Variants in ANK2 observed in about 807,000 individuals in gnomAD.
The protein encoded by ANK2 is ankyrin-2.
Under a neutral mutation model 360.5 loss-of-function variants are expected in ANK2, and 83 were observed. The ratio of observed to expected loss-of-function variants is 0.23; its 90% CI spans 0.19 to 0.28. ANK2 has a LOEUF of 0.28. ANK2 is among the 10% of genes least tolerant of loss of function. The pLI is 1.00. For synonymous variants in ANK2, 1,740 were observed against 1,759.5 expected, an observed-to-expected ratio of 0.99 and a Z score of 0.28; for missense variants, 4,201 against 4,795.7, an observed-to-expected ratio of 0.88 and a Z score of 3.66.
At chr4:113,332,975 C>T (rs2092807467) in intron 28 of ANK2, 79 bp from the exon 29 acceptor site, 2 of 1,600,016 alleles carry the variant, frequency 1.2e-6, no homozygotes, top group African/African-American at 1.3e-5. Context: ...TTCCAGGTCA[C>T]TTTGCAACAG....
intron 27 of ANK2, 55 bp from the exon 28 acceptor site, chr4:113,331,917 A>G (rs2092542231): frequency 1.6e-5 from 24 of 1,508,574 alleles, no homozygotes; most frequent in Non-Finnish European, 2.8e-6. Flanking sequence ...TGTGGAAGAC[A>G]ATACCTGAAG....
intron 1 of ANK2, among the ~76,000 whole-genome samples, chr4:113,162,411 T>G (rs2097569259): frequency 6.6e-6 from 1 of 152,154 alleles, no homozygotes; most frequent in African/African-American, 2.4e-5. Flanking sequence ...TACTTTACTT[T>G]TAGAGTTTTA....
chr4:113,192,547 A>G (rs553344211), intron 2 of ANK2, among the ~76,000 whole-genome samples: 2 of 152,260 alleles, frequency 1.3e-5, no homozygotes, highest in East Asian at 3.9e-4. Context: ...GCATTTAATT[A>G]TTTTAAATAA....
At chr4:112,746,689 A>AAAATAGAAACAAACAGTTAACACAT in the ANK2 span, among the ~76,000 whole-genome samples, 1 of 152,152 alleles carries the variant, frequency 6.6e-6, no homozygotes, top group South Asian at 2.1e-4. Flanking sequence ...GCAGATTTGT[A>AAAATAGAAACAAACAGTTAACACAT]AAATAGAAAC....
intron 24 of ANK2, chr4:113,317,414 A>G (rs2083470270): frequency 4.7e-6 from 2 of 425,600 alleles, no homozygotes; most frequent in Non-Finnish European, 8.8e-6. Flanking sequence ...GTAATAAACT[A>G]CAGTTGCTGG....
At chr4:113,016,687 C>A (rs1195204308) in intron 2 of ANK2, among the ~76,000 whole-genome samples, 2 of 152,014 alleles carry the variant, frequency 1.3e-5, no homozygotes, top group African/African-American at 4.8e-5. Flanking sequence ...CTTCAAGACA[C>A]AAAGGAATGA....
intron 1 of ANK2, among the ~76,000 whole-genome samples, chr4:112,873,292 T>A (rs1313615264): frequency 6.6e-6 from 1 of 151,878 alleles, no homozygotes; most frequent in Non-Finnish European, 1.5e-5. Context: ...TTTTATAAGT[T>A]GAAATGTTAG....
chr4:113,013,123 A>G (rs1314540599), intron 2 of ANK2, among the ~76,000 whole-genome samples: 1 of 152,188 alleles, frequency 6.6e-6, no homozygotes, highest in African/African-American at 2.4e-5. Context: ...AAGTGATCCT[A>G]GCTAGCATAA....
At position 113,277,952 on chromosome 4, in the gene ANK2, C is replaced by T. The variant is rs2060830516; in HGVS notation, c.1782+17C>T. On this transcript the variant is annotated intron_variant, in intron 16 of 45. Transcript: ENST00000357077. ...GCAGGGAAGGTAAAGATTTTCTATA[C>T]GTTATAATTATGTAACAGTGAAGGT... 1 of 1,599,130 alleles carries T rather than the reference C, an allele frequency of 6.3e-7. No homozygotes were observed. The highest frequency in any genetic ancestry group is 1.7e-5 in the Admixed American group (1 of 59,916).
chr4:113,232,476 T>C (rs972323103), intron 5 of ANK2, among the ~76,000 whole-genome samples: 6 of 152,258 alleles, frequency 3.9e-5, no homozygotes, highest in African/African-American at 1.4e-4. Context: ...CTATTTATTC[T>C]TACATAAAAT....
At chr4:112,749,589 G>A in the ANK2 span, among the ~76,000 whole-genome samples, 3 of 152,284 alleles carry the variant, frequency 2.0e-5, no homozygotes, top group African/African-American at 7.2e-5. Flanking sequence ...CTACTGAATA[G>A]TTACTGGATT....
At chr4:112,763,915 A>C in the ANK2 span, among the ~76,000 whole-genome samples, 4 of 151,840 alleles carry the variant, frequency 2.6e-5, no homozygotes, top group Admixed American at 6.6e-5. Context: ...TCTCACACTT[A>C]AAGTTTAACA....
At chr4:113,275,011 G>A (rs1407992256) in intron 15 of ANK2, among the ~76,000 whole-genome samples, 1 of 152,090 alleles carries the variant, frequency 6.6e-6, no homozygotes, top group East Asian at 1.9e-4. Context: ...GAGGAAGAGG[G>A]TACTGCATTA....
rs2095842891 is a variant in ANK2, at chr4:113,357,184, T to C, written c.8566T>C (p.Ser2856Pro). 3 of 1,614,140 alleles carry C rather than the reference T, an allele frequency of 1.9e-6. No homozygotes were observed. Among genetic ancestry groups the C allele is most frequent in the Non-Finnish European group, 2.5e-6 (3 of 1,179,996 alleles). ...SSSSLPHCLV[S>P]EGKELDEDIS... is the part of the protein sequence containing the mutation. ...ATCCTCTTTGCCTCATTGTTTGGTATCTGAAGGAAAAGAATTAGATGAAGA... is the reference window on the plus strand; with the variant it reads ...ATCCTCTTTGCCTCATTGTTTGGTACCTGAAGGAAAAGAATTAGATGAAGA... Residue 2856 changes from serine (S) to proline (P), a missense_variant, in exon 38 of 46, where the codon TCT (serine) becomes CCT (proline). Around this residue, in one of 4 missense-constraint regions of ANK2, gnomAD observed 2,642 missense variants for 2,714.5 expected, o/e 0.97. Transcript: ENST00000357077.
chr4:113,202,003 T>C (rs1372062437), intron 4 of ANK2, among the ~76,000 whole-genome samples: 1 of 152,218 alleles, frequency 6.6e-6, no homozygotes, highest in Non-Finnish European at 1.5e-5. Context: ...ATTCATATTG[T>C]GCGAAAGTTT....
intron 9 of ANK2, among the ~76,000 whole-genome samples, chr4:113,248,299 C>G (rs1198382698): frequency 6.6e-6 from 1 of 151,868 alleles, no homozygotes; most frequent in Non-Finnish European, 1.5e-5. Context: ...TGTAGAATCC[C>G]AGGGGCTAGT....
intron 31 of ANK2, among the ~76,000 whole-genome samples, chr4:113,337,666 A>G (rs1588526807): frequency 6.6e-6 from 1 of 151,972 alleles, no homozygotes; most frequent in South Asian, 2.1e-4. Flanking sequence ...TCTTTAATTC[A>G]CCCTTCTTAC....
intron 1 of ANK2, among the ~76,000 whole-genome samples, chr4:112,839,692 C>T (rs915519489): frequency 1.1e-4 from 16 of 152,192 alleles, no homozygotes; most frequent in South Asian, 8.3e-4. Flanking sequence ...AACAAGGAAG[C>T]GGCTTATTTT....
rs762339281 is a variant in ANK2, at chr4:113,345,930, C to T, written c.4279C>T (p.Arg1427Ter). 1 of 1,613,488 alleles carries T rather than the reference C, an allele frequency of 6.2e-7. No individual in the cohort carries two copies. The highest frequency in any genetic ancestry group is 8.5e-7 in the Non-Finnish European group (1 of 1,179,576). ...CGATACGACTCAGGAACCTTGCGGA[C>T]GACTATCATTTATGAAGGAGCCAAA... ...VRDTTQEPCG[R>*]LSFMKEPKST... The change falls in exon 35 of 46, where the codon CGA becomes TGA. Residue 1427 changes from arginine to a stop codon, truncating the protein, a stop_gained. Transcript: ENST00000357077. LOFTEE classifies it high-confidence loss of function.
Sources: gnomAD v4.1 joint callset for allele counts (sites outside exome capture counted in the v4.1 genomes callset) on GRCh38, gnomAD v4.1.1 for gene constraint, gnomAD v4.1.1 regional missense constraint, MANE v1.5 for transcripts, NCBI Gene and HGNC (gene_info 2026-07-23, HGNC 2026-07-21) for gene names.